The following RAB33A variants were observed in gnomAD, a reference collection of about 807,000 sequenced individuals.
RAB33A encodes the protein ras-related protein Rab-33A.
A neutral mutation model predicts 12.0 loss-of-function variants in RAB33A; 6 were observed. The ratio of observed to expected loss-of-function variants is 0.50; its 90% CI spans 0.27 to 0.99. The LOEUF is 0.99. Among genes scored for constraint, RAB33A ranks in the 50% least tolerant of loss-of-function variants. The pLI is 0.11. For synonymous variants in RAB33A, 70 were observed against 82.4 expected (o/e 0.85, Z 0.81); for missense variants, 109 against 192.0 (o/e 0.57, Z 2.55).
At chrX:130,153,178 CAA>C in the RAB33A span, among the ~76,000 whole-genome samples, 342 of 43,898 alleles carry the variant, frequency 7.8e-3, 1 homozygote, top group African/African-American at 0.024. Flanking sequence ...ACTAAAAATA[CAA>C]AAAAAAAAAA....
upstream of RAB33A, among the ~76,000 whole-genome samples, chrX:130,171,307 CGGGTAGAGGGTGG>C (rs1201542469): frequency 9.0e-6 from 1 of 111,278 alleles, no homozygotes; most frequent in Non-Finnish European, 1.9e-5. Flanking sequence ...AGGCGCGGGT[CGGGTAGAGGGTGG>C]GGGTAGAGGG....
chrX:130,139,342 A>AC, the RAB33A span, among the ~76,000 whole-genome samples: 1 of 110,562 alleles, frequency 9.0e-6, no homozygotes, highest in Non-Finnish European at 1.9e-5. Context: ...GAAAAAAAAA[A>AC]AAAGACAGGA....
chrX:130,175,794 T>G (rs909673035), intron 1 of RAB33A, among the ~76,000 whole-genome samples: 4 of 111,546 alleles, frequency 3.6e-5, no homozygotes, highest in African/African-American at 1.3e-4. Context: ...CTGGGTTTAC[T>G]TTTTGCACCT....
At chrX:130,147,940 T>TA in the RAB33A span, 326 of 1,179,010 alleles carry the variant, frequency 2.8e-4, no homozygotes, top group Non-Finnish European at 3.5e-4. Flanking sequence ...TTGCCACTGT[T>TA]AAAAAAAAAT....
chrX:130,144,237 T>G, the RAB33A span, among the ~76,000 whole-genome samples: 1 of 111,403 alleles, frequency 9.0e-6, no homozygotes, highest in African/African-American at 3.3e-5. Flanking sequence ...CTTGCCTAGA[T>G]TATTGCAATA....
At chrX:130,163,575 G>T in the RAB33A span, among the ~76,000 whole-genome samples, 1 of 111,766 alleles carries the variant, frequency 8.9e-6, no homozygotes, top group African/African-American at 3.3e-5. Flanking sequence ...AAAGGACAAA[G>T]AACAAGTGTA....
At chrX:130,156,526 C>G in the RAB33A span, 2 of 1,211,459 alleles carry the variant, frequency 1.7e-6, no homozygotes, top group South Asian at 3.5e-5. Context: ...TCGATTTTGC[C>G]CCCTGATGCA....
chrX:130,168,935 C>T (rs1042546060), upstream of RAB33A, among the ~76,000 whole-genome samples: 3 of 110,750 alleles, frequency 2.7e-5, no homozygotes, highest in Non-Finnish European at 3.8e-5. Flanking sequence ...AGGCCGGGCA[C>T]GGTGGCTCAT....
At chrX:130,129,650 T>C in the RAB33A span, 2,940 of 1,185,156 alleles carry the variant, frequency 2.5e-3, 4 homozygotes, top group Non-Finnish European at 3.0e-3. Flanking sequence ...AGAGTAACAA[T>C]AGGTCCCTAA....
intron 1 of RAB33A, among the ~76,000 whole-genome samples, chrX:130,179,344 C>A (rs2031697480): frequency 8.9e-6 from 1 of 111,743 alleles, no homozygotes; most frequent in Non-Finnish European, 1.9e-5. Context: ...CTCACACACT[C>A]CCACCCGTGT....
the RAB33A span, among the ~76,000 whole-genome samples, chrX:130,166,521 A>C: frequency 8.9e-6 from 1 of 112,186 alleles, no homozygotes; most frequent in East Asian, 2.8e-4. Context: ...CAGTTATGGG[A>C]GTAGGGTGAG....
the RAB33A span, chrX:130,130,104 T>G: frequency 8.3e-7 from 1 of 1,211,992 alleles, no homozygotes. Flanking sequence ...GCCGGGGTGC[T>G]GGGAGGAATA....
At chrX:130,121,258 T>C in the RAB33A span, among the ~76,000 whole-genome samples, 14 of 104,160 alleles carry the variant, frequency 1.3e-4, no homozygotes, top group Non-Finnish European at 5.9e-5. Flanking sequence ...TTTTCTTTTT[T>C]TTTTTTTTTT....
At chrX:130,150,481 G>C in the RAB33A span, among the ~76,000 whole-genome samples, 3 of 100,821 alleles carry the variant, frequency 3.0e-5, no homozygotes, top group Non-Finnish European at 6.0e-5. Flanking sequence ...GACTACAGGC[G>C]CCCGCCACTA....
At chrX:130,155,058 C>T in the RAB33A span, 1 of 1,040,004 alleles carries the variant, frequency 9.6e-7, no homozygotes, top group Non-Finnish European at 1.3e-6. Context: ...AAAGCACATG[C>T]TGTGAATATT....
At chrX:130,171,174 C>T (rs1022976957), upstream of RAB33A, among the ~76,000 whole-genome samples, 2 of 113,377 alleles carry the variant, frequency 1.8e-5, no homozygotes, top group African/African-American at 6.4e-5. Flanking sequence ...CCCGCTGGCT[C>T]CCTCCTCTCA....
At chrX:130,121,988 C>G in the RAB33A span, among the ~76,000 whole-genome samples, 1 of 112,148 alleles carries the variant, frequency 8.9e-6, no homozygotes, top group Admixed American at 9.4e-5. Context: ...GTGGAGTGTT[C>G]TGAGCCTTGA....
the RAB33A span, among the ~76,000 whole-genome samples, chrX:130,116,733 C>T: frequency 1.6e-4 from 18 of 112,383 alleles, no homozygotes; most frequent in Admixed American, 1.6e-3. Flanking sequence ...TTGGCCTGTA[C>T]TGGGGATGGA....
intron 1 of RAB33A, among the ~76,000 whole-genome samples, chrX:130,173,371 T>G (rs1309288057): frequency 2.7e-5 from 3 of 111,555 alleles, no homozygotes; most frequent in African/African-American, 9.8e-5. Context: ...TGGTTGGACC[T>G]TAGACAGAGT....
Sources: gnomAD v4.1 joint callset for allele counts (sites outside exome capture counted in the v4.1 genomes callset) on GRCh38, gnomAD v4.1.1 for gene constraint, MANE v1.5 for transcripts, NCBI Gene and HGNC (gene_info 2026-07-23, HGNC 2026-07-21) for gene names.